CA3: variants seen among roughly 807,000 people sequenced by gnomAD.
CA3 encodes carbonic anhydrase 3.
A neutral mutation model predicts 35.7 loss-of-function variants in CA3; 30 were observed. The ratio of observed to expected loss-of-function variants is 0.84; its 90% CI spans 0.63 to 1.14. The LOEUF (loss-of-function observed/expected upper bound fraction) is 1.14. CA3 is among the 50% of genes most tolerant of loss of function. CA3 has a pLI of 0.00. For synonymous variants in CA3, 131 were observed against 130.8 expected, an observed-to-expected ratio of 1.00 and a Z score of -0.01; for missense variants, 295 against 328.5, an observed-to-expected ratio of 0.90 and a Z score of 0.79.
In CA3 at chr8:85,446,156, C is replaced by A; in HGVS notation, c.522C>A (p.Pro174=). The A allele has an allele frequency of 6.2e-7, 1 of 1,610,794 alleles. No individual in the cohort carries two copies. The part of the protein sequence containing the change: ...DKIKTKGKEA[P]FTKFDPSCLF... Reference sequence around the variant, plus strand: ...CTCTTACCCAGGGCAAGGAGGCGCCCTTCACAAAGTTTGACCCATCCTGCC... The same window carrying A: ...CTCTTACCCAGGGCAAGGAGGCGCCATTCACAAAGTTTGACCCATCCTGCC... Residue 174 remains proline (P), a synonymous_variant, in exon 6 of 7, where the codon CCC becomes CCA. Coordinates refer to ENST00000285381, the MANE Select transcript of CA3 (RefSeq NM_005181.4).
intron 2 of CA3, among the ~76,000 whole-genome samples, chr8:85,440,159 T>C (rs1389245): frequency 0.7 from 106,044 of 152,058 alleles, 38,181 homozygotes; most frequent in African/African-American, 0.87. Flanking sequence ...AATGCATTCC[T>C]GAAATGGAAC....
chr8:85,444,992 C>A (rs934087166), intron 4 of CA3, among the ~76,000 whole-genome samples, 164 bp from the exon 5 acceptor site: 3 of 152,132 alleles, frequency 2.0e-5, no homozygotes, highest in African/African-American at 7.2e-5. Context: ...AATATATACT[C>A]TAAAATCTTG....
chr8:85,446,824 G>T (rs1354935183), intron 6 of CA3, among the ~76,000 whole-genome samples: 1 of 152,172 alleles, frequency 6.6e-6, no homozygotes, highest in Non-Finnish European at 1.5e-5. Flanking sequence ...GTACTTTTTG[G>T]CATCTCTTCT....
At chr8:85,442,222 T>A (rs556685715) in intron 3 of CA3, 31 bp downstream of exon 3, 2 of 1,144,866 alleles carry the variant, frequency 1.7e-6, no homozygotes, top group South Asian at 2.5e-5. Context: ...CCATTCTCGG[T>A]CTCATACAGT....
At chr8:85,441,245 T>C (rs373316906) in intron 2 of CA3, among the ~76,000 whole-genome samples, 1 of 152,248 alleles carries the variant, frequency 6.6e-6, no homozygotes, top group Admixed American at 6.5e-5. Context: ...TTAGGGTTTC[T>C]GCATAGTTTC....
Position 85,438,962 on chromosome 8 carries a change from G to T in CA3, c.34+19G>T. 6.4e-7 allele frequency: 1 copy of T among 1,550,922 alleles called. No individual in the cohort carries two copies. Among genetic ancestry groups the T allele is most frequent in the Non-Finnish European group, 8.7e-7 (1 of 1,146,876 alleles). On this transcript the variant is annotated intron_variant, in intron 1 of 6. Coordinates refer to ENST00000285381, the MANE Select transcript of CA3 (RefSeq NM_005181.4). ...CACAACGGTGAGTGCAGGCAGCCGC[G>T]ACCCGGCCAGGAAGGGATGCCAGTC...
At chr8:85,444,951 C>G (rs764197546) in intron 4 of CA3, among the ~76,000 whole-genome samples, 1 of 152,172 alleles carries the variant, frequency 6.6e-6, no homozygotes, top group Non-Finnish European at 1.5e-5. Flanking sequence ...TCCTGTACTT[C>G]AGAAGCCTGG....
At position 85,445,533 on chromosome 8, in the gene CA3, C is replaced by CACACACAT. The variant is rs1554708006; in HGVS notation, c.507+322_507+323insTACACACA. Among the ~76,000 whole-genome samples, 1,125 of 141,474 alleles carry CACACACAT rather than the reference C, an allele frequency of 8.0e-3. 102 individuals carry two copies. Among genetic ancestry groups the CACACACAT allele is most frequent in the African/African-American group, 0.027 (1,005 of 37,644 alleles). The allele number at this position is 141,474 out of a possible 152,430, so 92.8% of individuals were successfully genotyped here. On this transcript the variant is annotated intron_variant, in intron 5 of 6. Transcript: ENST00000285381. ...ACACACACACACACACACACACACA[C>CACACACAT]ACACACACACACTGCATATATGCAT...
At chr8:85,441,107 G>T (rs1811201415) in intron 2 of CA3, among the ~76,000 whole-genome samples, 1 of 152,156 alleles carries the variant, frequency 6.6e-6, no homozygotes. Context: ...AACTCATATA[G>T]GCCTAGCCTC....
Position 85,448,133 on chromosome 8 carries a change from G to A in CA3, c.763G>A (p.Val255Met), listed in dbSNP as rs761330949. The change falls in exon 7 of 7, where the codon GTG becomes ATG. Residue 255 changes from valine (V) to methionine (M), a missense_variant. By Grantham distance (21) the Val-to-Met change is conservative. Transcript: ENST00000285381. ...RPPQPINNRV[V>M]RASFK ...TCCACAGCCTATCAATAACAGGGTG[G>A]TGAGAGCTTCCTTCAAATGAGGCTG... The A allele has an allele frequency of 1.9e-6, 3 of 1,612,708 alleles. No homozygotes were observed. Among genetic ancestry groups the A allele is most frequent in the South Asian group, 1.1e-5 (1 of 90,580 alleles).
rs1317786823 is a variant in CA3, at chr8:85,446,221, C to T, written c.587C>T (p.Ser196Leu). ...CGGGACTACTGGACCTACCAGGGCT[C>T]ATTCACCACGCCGCCCTGCGAGGAA... ...ACRDYWTYQG[S>L]FTTPPCEECI... The change falls in exon 6 of 7, where the codon TCA (serine) becomes TTA (leucine). Residue 196 changes from serine to leucine, a missense_variant. By Grantham distance (145) the Ser-to-Leu change is moderately radical. Coordinates refer to ENST00000285381, the MANE Select transcript of CA3 (RefSeq NM_005181.4). The T allele has an allele frequency of 1.2e-6, 2 of 1,614,144 alleles. No individual in the cohort carries two copies. Among genetic ancestry groups the T allele is most frequent in the Admixed American group, 1.7e-5 (1 of 60,022 alleles).
Position 85,444,071 on chromosome 8 carries a change from T to C in CA3, c.389T>C (p.Phe130Ser), listed in dbSNP as rs763328454. Residue 130 changes from phenylalanine (F) to serine (S), a missense_variant, in exon 4 of 7, where the codon TTT becomes TCT. Physicochemically the swap from Phe to Ser is radical, Grantham distance 155 (BLOSUM62 -2). Transcript: ENST00000285381. The stretch of plus-strand genomic sequence containing the variant: ...CACTGGAACCCGAAGTATAACACTT[T>C]TAAAGAAGCCCTGAAGCAGCGCGAT... ...LVHWNPKYNTFKEALKQRDGI... is the reference protein window; with the variant it reads ...LVHWNPKYNTSKEALKQRDGI... The C allele has an allele frequency of 2.5e-6, 4 of 1,613,964 alleles. No homozygotes were observed. In the Admixed American group the frequency reaches 5.0e-5, roughly 20 times the overall value.
chr8:85,445,253 AGC>A, intron 5 of CA3, 35 bp downstream of exon 5: 1 of 1,354,820 alleles, frequency 7.4e-7, no homozygotes. Context: ...TAAAACATAA[AGC>A]AGATTATGCA....
At chr8:85,442,601 T>C (rs1174811019) in intron 3 of CA3, among the ~76,000 whole-genome samples, 2 of 152,090 alleles carry the variant, frequency 1.3e-5, no homozygotes, top group African/African-American at 2.4e-5. Context: ...TGGTCCCAGC[T>C]ACTCAGGAGG....
Position 85,445,427 on chromosome 8 carries a change from C to T in CA3, c.507+209C>T, listed in dbSNP as rs142183424. Among the ~76,000 whole-genome samples the T allele has an allele frequency of 1.6e-4, 25 of 151,952 alleles. No individual in the cohort carries two copies. In the East Asian group the frequency reaches 4.7e-3, roughly 28 times the overall value. On this transcript the variant is annotated intron_variant, in intron 5 of 6. Coordinates refer to ENST00000285381, the MANE Select transcript of CA3 (RefSeq NM_005181.4). ...TATCAGTTTTTTTAATGGTCATAGT[C>T]ATCCTGTCAGATAATCACTTTCTCA...
rs1585999353 is a variant in CA3 at position 85,444,090 on chromosome 8, G to A, written c.408G>A (p.Gln136=). The A allele has an allele frequency of 6.2e-7, 1 of 1,613,736 alleles. No homozygotes were observed. The highest frequency in any genetic ancestry group is 8.5e-7 in the Non-Finnish European group (1 of 1,179,634). The change falls in exon 4 of 7, where the codon CAG becomes CAA. Residue 136 remains glutamine, a synonymous_variant. Transcript: ENST00000285381. ...KYNTFKEALK[Q]RDGIAVIGIF... ...ACACTTTTAAAGAAGCCCTGAAGCA[G>A]CGCGATGGGATCGCTGTGATTGGCA...
At chr8:85,439,058 A>G in intron 1 of CA3, 115 bp downstream of exon 1, 1 of 1,009,570 alleles carries the variant, frequency 9.9e-7, no homozygotes, top group Admixed American at 2.3e-5. Context: ...GGAGTAGAAT[A>G]AGACCTAACA....
chr8:85,446,364 C>A, intron 6 of CA3, 67 bp downstream of exon 6: 1 of 1,521,228 alleles, frequency 6.6e-7, no homozygotes, highest in South Asian at 1.2e-5. Context: ...GATGCTAAAT[C>A]AAAAATACAT....
chr8:85,441,616 T>C (rs185092508), intron 2 of CA3, among the ~76,000 whole-genome samples: 31 of 152,266 alleles, frequency 2.0e-4, no homozygotes, highest in African/African-American at 7.2e-4. Flanking sequence ...ATTATCACCT[T>C]CTTAGAGATG....
Sources: gnomAD v4.1 joint callset for allele counts (sites outside exome capture counted in the v4.1 genomes callset) on GRCh38, gnomAD v4.1.1 for gene constraint, MANE v1.5 for transcripts, NCBI Gene and HGNC (gene_info 2026-07-23, HGNC 2026-07-21) for gene names.